AGPAT4: variants seen among roughly 807,000 people sequenced by gnomAD.
AGPAT4 encodes the protein 1-acylglycerol-3-phosphate O-acyltransferase 4, also known as 1-acyl-sn-glycerol-3-phosphate acyltransferase delta.
In AGPAT4, 15 loss-of-function variants were observed where a neutral mutation model predicts 48.0. The ratio of observed to expected loss-of-function variants is 0.31; its 90% CI spans 0.21 to 0.48. The LOEUF (loss-of-function observed/expected upper bound fraction) is 0.48. AGPAT4 is among the 20% of genes least tolerant of loss of function. AGPAT4 has a pLI of 0.99. For synonymous variants in AGPAT4, 178 were observed against 198.7 expected, an observed-to-expected ratio of 0.90 and a Z score of 0.88; for missense variants, 314 against 482.5, an observed-to-expected ratio of 0.65 and a Z score of 3.27.
rs978942658 is a variant in AGPAT4, at chr6:161,272,462, G to T, written c.-90+1476C>A. Among the ~76,000 whole-genome samples the T allele has an allele frequency of 1.3e-5, 2 of 152,034 alleles. No individual in the cohort carries two copies. Among genetic ancestry groups the T allele is most frequent in the South Asian group, 2.1e-4 (1 of 4,818 alleles). On this transcript the variant is annotated intron_variant, in intron 1 of 8. Coordinates refer to ENST00000320285, the MANE Select transcript of AGPAT4 (RefSeq NM_020133.3). This position sits in a 1 kb window ranked among gnomAD's most constrained non-coding sequence, Gnocchi z 4.2. The stretch of plus-strand genomic sequence containing the variant: ...TCCCTTATCAAACGCTTCCTTAGAC[G>T]TACTGAATAAAAGCATCAGTTTAGC...
intron 5 of AGPAT4, among the ~76,000 whole-genome samples, chr6:161,152,120 C>T (rs990384310): frequency 2.0e-5 from 3 of 152,194 alleles, no homozygotes; most frequent in African/African-American, 7.2e-5. Context: ...TAAGAGCTGC[C>T]TGCCAGGATG....
intron 1 of AGPAT4, among the ~76,000 whole-genome samples, chr6:161,260,655 C>CAAAAAAA (rs377444402): frequency 6.6e-5 from 3 of 45,672 alleles, no homozygotes; most frequent in East Asian, 1.8e-3. Context: ...GACTACGTCT[C>CAAAAAAA]AAAAAAAAAA....
At position 161,207,349 on chromosome 6, in the gene AGPAT4, G is replaced by A. The variant is rs527625566; in HGVS notation, c.178+24687C>T. 8.5e-5 allele frequency among the ~76,000 whole-genome samples: 13 copies of A among 152,256 alleles called. No homozygotes were observed. The South Asian group carries it at 1.0e-3, about 12-fold the overall frequency. On this transcript the variant is annotated intron_variant, in intron 2 of 8. Coordinates refer to ENST00000320285, the MANE Select transcript of AGPAT4 (RefSeq NM_020133.3). ...CCTGCCTAACACAAAGACAGGATCCGTGAGAAAACAAAACTCCTGGGTTAC... is the reference window on the plus strand; with the variant it reads ...CCTGCCTAACACAAAGACAGGATCCATGAGAAAACAAAACTCCTGGGTTAC...
intron 2 of AGPAT4, among the ~76,000 whole-genome samples, chr6:161,188,831 C>T (rs1007041680): frequency 1.3e-5 from 2 of 152,062 alleles, no homozygotes; most frequent in Non-Finnish European, 2.9e-5. Flanking sequence ...AAACATCATT[C>T]CCTAGAATCC....
At position 161,215,887 on chromosome 6, in the gene AGPAT4, C is replaced by T. The variant is rs1456905761; in HGVS notation, c.178+16149G>A. On this transcript the variant is annotated intron_variant, in intron 2 of 8. Coordinates refer to ENST00000320285, the MANE Select transcript of AGPAT4 (RefSeq NM_020133.3). This position sits in a 1 kb window ranked among gnomAD's most constrained non-coding sequence, Gnocchi z 4.5. ...AAACTATACATCAAATTGAGTAGAGCAGACATAGTCAAGTTTATCTATGCC... is the reference window on the plus strand; with the variant it reads ...AAACTATACATCAAATTGAGTAGAGTAGACATAGTCAAGTTTATCTATGCC... Among the ~76,000 whole-genome samples, 9 of 152,104 alleles carry T rather than the reference C, an allele frequency of 5.9e-5. No homozygotes were observed. The highest frequency in any genetic ancestry group is 5.2e-4 in the Admixed American group (8 of 15,262).
Position 161,132,224 on chromosome 6 carries a change from T to C in AGPAT4, c.*4316A>G, listed in dbSNP as rs1778922811. ...AAACAAAAAAAGTTCAAAAAATTGT[T>C]TTCAATTAAATTTCTGAAGATCTTT... On this transcript the variant is annotated 3_prime_UTR_variant, in exon 9 of 9. Transcript: ENST00000320285. 1 of 152,248 alleles carries C rather than the reference T, an allele frequency of 6.6e-6. No individual in the cohort carries two copies. The highest frequency in any genetic ancestry group is 2.4e-5 in the African/African-American group (1 of 41,462). The allele number at this position is 152,248 out of a possible 1,614,324, so 9.4% of individuals were successfully genotyped here.
At chr6:161,268,523 C>G (rs1783331480) in intron 1 of AGPAT4, among the ~76,000 whole-genome samples, 1 of 152,142 alleles carries the variant, frequency 6.6e-6, no homozygotes, top group Non-Finnish European at 1.5e-5. Flanking sequence ...ATTTTAGTGT[C>G]TGGCTTCAAA....
chr6:161,181,749 C>T (rs1187423263), intron 2 of AGPAT4, among the ~76,000 whole-genome samples: 1 of 152,172 alleles, frequency 6.6e-6, no homozygotes, highest in Non-Finnish European at 1.5e-5. Context: ...AGCATCTGCT[C>T]TTCCCACTCA....
In AGPAT4 at chr6:161,166,001, T is replaced by C; in HGVS notation, c.348+247A>G. On this transcript the variant is annotated intron_variant, in intron 3 of 8. Transcript: ENST00000320285. The surrounding 1 kb of genome is among the most constrained non-coding windows in gnomAD (Gnocchi z 6.7). ...CATCTATTCATGTTGCTGTAAGGAT[T>C]AAATAAATGAATCATATGTAAAATG... 1.6e-6 allele frequency: 1 copy of C among 619,166 alleles called. No individual in the cohort carries two copies. The highest frequency in any genetic ancestry group is 2.9e-6 in the Non-Finnish European group (1 of 346,574). The allele number at this position is 619,166 out of a possible 1,614,324, so 38.4% of individuals were successfully genotyped here.
chr6:161,198,603 C>T lies in AGPAT4; in HGVS notation c.179-32186G>A, dbSNP rs1347035872. ...TTGCTCAGGCTGGGTTACATCCTGG[C>T]CCCACCATCTACTACTTGTGAGACT... On this transcript the variant is annotated intron_variant, in intron 2 of 8. Coordinates refer to ENST00000320285, the MANE Select transcript of AGPAT4 (RefSeq NM_020133.3). The surrounding 1 kb of genome is among the most constrained non-coding windows in gnomAD (Gnocchi z 4.3). 6.6e-6 allele frequency among the ~76,000 whole-genome samples: 1 copy of T among 152,234 alleles called. No homozygotes were observed. Among genetic ancestry groups the T allele is most frequent in the Non-Finnish European group, 1.5e-5 (1 of 68,050 alleles).
chr6:161,273,634 G>A (rs12153911), intron 1 of AGPAT4, among the ~76,000 whole-genome samples: 1 of 151,888 alleles, frequency 6.6e-6, no homozygotes, highest in Non-Finnish European at 1.5e-5. Context: ...AGGGGGCTGG[G>A]TGGGTGGGTA....
In AGPAT4 at chr6:161,155,814, A is replaced by G; in HGVS notation, c.349-1504T>C. Reference sequence around the variant, plus strand: ...TGCCCATGGTATTTTTTAAAATTATATTTACCTGAACTCATTCCAAACATG... The same window carrying G: ...TGCCCATGGTATTTTTTAAAATTATGTTTACCTGAACTCATTCCAAACATG... On this transcript the variant is annotated intron_variant, in intron 3 of 8. Transcript: ENST00000320285. This position sits in a 1 kb window ranked among gnomAD's most constrained non-coding sequence, Gnocchi z 5.8. Among the ~76,000 whole-genome samples the G allele has an allele frequency of 6.6e-6, 1 of 152,260 alleles. No homozygotes were observed. Among genetic ancestry groups the G allele is most frequent in the South Asian group, 2.1e-4 (1 of 4,826 alleles).
In AGPAT4 at chr6:161,196,675, G is replaced by A. The variant is rs573607214; in HGVS notation, c.179-30258C>T. The stretch of plus-strand genomic sequence containing the variant: ...ATACAAAAAATTAGCCTGGTGTGAT[G>A]GTTTGCAGCTGTAGTCCCAGCTACT... On this transcript the variant is annotated intron_variant, in intron 2 of 8. Transcript: ENST00000320285. The surrounding 1 kb of genome is among the most constrained non-coding windows in gnomAD (Gnocchi z 4.3). Among the ~76,000 whole-genome samples, 74 of 151,932 alleles carry A rather than the reference G, an allele frequency of 4.9e-4. No individual in the cohort carries two copies. Among genetic ancestry groups the A allele is most frequent in the Non-Finnish European group, 1.0e-3 (69 of 68,008 alleles).
chr6:161,150,893 C>G (rs1057443363), intron 5 of AGPAT4, among the ~76,000 whole-genome samples: 1 of 152,208 alleles, frequency 6.6e-6, no homozygotes, highest in South Asian at 2.1e-4. Flanking sequence ...TCACGTAGTT[C>G]AGCGGTTTTG....
chr6:161,191,114 C>T (rs566392754), intron 2 of AGPAT4, among the ~76,000 whole-genome samples: 1 of 152,312 alleles, frequency 6.6e-6, no homozygotes, highest in East Asian at 1.9e-4. Flanking sequence ...TCATTAAGTG[C>T]TTACTGTGGG....
Position 161,232,243 on chromosome 6 carries a change from ATAAC to A in AGPAT4, c.-34_-31del. ...CGTGGACGCTCTTATTCAGAAATAA[ATAAC>A]TACCCACAGTCAAAGATTTCCAGAA... On this transcript the variant is annotated 5_prime_UTR_variant, in exon 2 of 9. Transcript: ENST00000320285. The surrounding 1 kb of genome is among the most constrained non-coding windows in gnomAD (Gnocchi z 6.8). 6.3e-7 allele frequency: 1 copy of A among 1,593,910 alleles called. No individual in the cohort carries two copies. Among genetic ancestry groups the A allele is most frequent in the East Asian group, 2.2e-5 (1 of 44,592 alleles).
Position 161,195,005 on chromosome 6 carries a change from A to G in AGPAT4, c.179-28588T>C, listed in dbSNP as rs1033131432. ...CTTCCTGCACCTTACTTGCCCCGGG[A>G]GAAGCTTTGGCCACCACCTTCCAAG... On this transcript the variant is annotated intron_variant, in intron 2 of 8. Coordinates refer to ENST00000320285, the MANE Select transcript of AGPAT4 (RefSeq NM_020133.3). The surrounding 1 kb of genome is among the most constrained non-coding windows in gnomAD (Gnocchi z 5.0). Among the ~76,000 whole-genome samples the G allele has an allele frequency of 1.3e-5, 2 of 152,152 alleles. No individual in the cohort carries two copies. Among genetic ancestry groups the G allele is most frequent in the African/African-American group, 4.8e-5 (2 of 41,420 alleles).
Position 161,178,361 on chromosome 6 carries a change from C to T in AGPAT4, c.179-11944G>A, listed in dbSNP as rs910200468. Among the ~76,000 whole-genome samples the T allele has an allele frequency of 3.9e-5, 6 of 152,240 alleles. No homozygotes were observed. The highest frequency in any genetic ancestry group is 2.9e-5 in the Non-Finnish European group (2 of 68,038). On this transcript the variant is annotated intron_variant, in intron 2 of 8. Coordinates refer to ENST00000320285, the MANE Select transcript of AGPAT4 (RefSeq NM_020133.3). This position sits in a 1 kb window ranked among gnomAD's most constrained non-coding sequence, Gnocchi z 5.1. The stretch of plus-strand genomic sequence containing the variant: ...GATGCCCCTCCCCGAACCTCGCTGC[C>T]GCCTTGCAGTTCGATCAGACTTCTG...
rs569043999 is a variant in AGPAT4, at chr6:161,204,764, C to T, written c.178+27272G>A. On this transcript the variant is annotated intron_variant, in intron 2 of 8. Transcript: ENST00000320285. The surrounding 1 kb of genome is among the most constrained non-coding windows in gnomAD (Gnocchi z 4.4). ...GGATACAGACCACGGTGGGGCTGAT[C>T]AAAGAGGCAGGAGCTTTTTCCCCAG... Among the ~76,000 whole-genome samples, 1 of 152,116 alleles carries T rather than the reference C, an allele frequency of 6.6e-6. No individual in the cohort carries two copies. The highest frequency in any genetic ancestry group is 1.9e-4 in the East Asian group (1 of 5,166).
Sources: allele counts gnomAD v4.1 joint callset (sites outside exome capture counted in the v4.1 genomes callset), GRCh38; gene constraint gnomAD v4.1.1; non-coding constraint Gnocchi (gnomAD v3.1); transcripts MANE v1.5; gene names NCBI Gene and HGNC (gene_info 2026-07-23, HGNC 2026-07-21).